KCNIP1: variants seen among roughly 807,000 people sequenced by gnomAD.
KCNIP1 encodes the protein A-type potassium channel modulatory protein KCNIP1.
KCNIP1 carries 18 observed loss-of-function variants against 33.0 expected under a neutral mutation model. The observed-to-expected ratio is 0.55, with a 90% confidence interval of 0.38 to 0.81. The LOEUF (loss-of-function observed/expected upper bound fraction) is 0.81, where lower values mean the gene tolerates loss of function less well. KCNIP1 is among the 30% of genes least tolerant of loss of function. KCNIP1 has a pLI of 0.00. For synonymous variants in KCNIP1, 93 were observed against 98.3 expected, an observed-to-expected ratio of 0.95 and a Z score of 0.32; for missense variants, 238 against 271.6, an observed-to-expected ratio of 0.88 and a Z score of 0.87.
intron 1 of KCNIP1, among the ~76,000 whole-genome samples, chr5:170,611,956 A>C (rs1362208033): frequency 6.6e-6 from 1 of 152,232 alleles, no homozygotes; most frequent in Non-Finnish European, 1.5e-5. Context: ...CTAGGTGCTG[A>C]ATATGCAGCA....
At chr5:170,706,976 C>T (rs1281881399) in intron 1 of KCNIP1, among the ~76,000 whole-genome samples, 6 of 152,076 alleles carry the variant, frequency 3.9e-5, no homozygotes, top group Non-Finnish European at 8.8e-5. Context: ...TGTACTGGAA[C>T]TTCAGGGTGG....
chr5:170,585,236 A>C lies in KCNIP1; in HGVS notation c.61+80603A>C, dbSNP rs115654270. Among the ~76,000 whole-genome samples the C allele has an allele frequency of 6.2e-3, 945 of 152,324 alleles. 13 individuals are homozygous for C. The highest frequency in any genetic ancestry group is 0.022 in the African/African-American group (907 of 41,572). ...AATTAAGCTATAAAATGTCACAGGT[A>C]GCAGTGTCCTTAGAGAACACCTAAG... is the stretch of plus-strand genomic sequence containing the variant. On this transcript the variant is annotated intron_variant, in intron 1 of 7. Coordinates refer to ENST00000328939, the MANE Select transcript of KCNIP1 (RefSeq NM_014592.4).
At chr5:170,414,561 G>A (rs145677635) in intron 1 of KCNIP1, among the ~76,000 whole-genome samples, 19 of 152,288 alleles carry the variant, frequency 1.2e-4, no homozygotes, top group African/African-American at 4.1e-4. Flanking sequence ...ACGTGGCTGC[G>A]CTGGAGTCTC....
chr5:170,480,997 A>T (rs1756965785), intron 1 of KCNIP1, among the ~76,000 whole-genome samples: 1 of 152,222 alleles, frequency 6.6e-6, no homozygotes, highest in African/African-American at 2.4e-5. Context: ...TAAATCTGCC[A>T]TTAAAAATAA....
chr5:170,677,833 A>G (rs2113786861), intron 1 of KCNIP1, among the ~76,000 whole-genome samples: 1 of 152,326 alleles, frequency 6.6e-6, no homozygotes, highest in Admixed American at 6.5e-5. Context: ...AAGGGGAAAA[A>G]AAAATGCCTG....
intron 1 of KCNIP1, chr5:170,376,184 A>G (rs1192950364): frequency 1.7e-5 from 2 of 114,974 alleles, no homozygotes; most frequent in African/African-American, 6.8e-5. Context: ...TTTTTGAGAC[A>G]GAGTCTTGCT....
intron 1 of KCNIP1, chr5:170,483,193 T>C (rs1757013858): frequency 2.5e-6 from 1 of 401,076 alleles, no homozygotes; most frequent in Admixed American, 3.0e-5. Context: ...CTGAAAATCA[T>C]AGGTAACTAT....
upstream of KCNIP1, among the ~76,000 whole-genome samples, chr5:170,501,459 A>G (rs1174379036): frequency 6.6e-6 from 1 of 152,226 alleles, no homozygotes; most frequent in Non-Finnish European, 1.5e-5. Flanking sequence ...TTCATGTTCA[A>G]TGGTTTGGAT....
chr5:170,552,544 C>T lies in KCNIP1; in HGVS notation c.61+47911C>T, dbSNP rs981253631. 5.9e-5 allele frequency among the ~76,000 whole-genome samples: 9 copies of T among 152,182 alleles called. No individual in the cohort carries two copies. In the South Asian group the frequency reaches 1.2e-3, roughly 21 times the overall value. ...TGTCTAAGGAGGTGGCGTTTGTGTTCGGGCTTCCATAACAGGTAGGGGGAA... is the reference window on the plus strand; with the variant it reads ...TGTCTAAGGAGGTGGCGTTTGTGTTTGGGCTTCCATAACAGGTAGGGGGAA... On this transcript the variant is annotated intron_variant, in intron 1 of 7. Coordinates refer to ENST00000328939, the MANE Select transcript of KCNIP1 (RefSeq NM_014592.4).
rs56358014 is a variant in KCNIP1 at position 170,587,421 on chromosome 5, CAAAAAAAA to C, written c.61+82806_61+82813del. Among the ~76,000 whole-genome samples, 571 of 70,352 alleles carry C rather than the reference CAAAAAAAA, an allele frequency of 8.1e-3. 7 individuals are homozygous for C. Among genetic ancestry groups the C allele is most frequent in the South Asian group, 0.036 (60 of 1,686 alleles). 46.2% of individuals were successfully genotyped at this position (70,352 alleles called of 152,430 possible). On this transcript the variant is annotated intron_variant, in intron 1 of 7. Coordinates refer to ENST00000328939, the MANE Select transcript of KCNIP1 (RefSeq NM_014592.4). ...TGGGCAACAGAGCGAGACTCTGTCT[CAAAAAAAA>C]AAAAAAAAAAAAAAAAAGCTAATAT...
intron 1 of KCNIP1, among the ~76,000 whole-genome samples, chr5:170,487,041 A>G (rs1757109744): frequency 6.6e-6 from 1 of 152,222 alleles, no homozygotes; most frequent in Non-Finnish European, 1.5e-5. Context: ...ACACACACAG[A>G]CATATCTATA....
At chr5:170,662,193 G>A (rs1761525907) in intron 1 of KCNIP1, among the ~76,000 whole-genome samples, 1 of 152,184 alleles carries the variant, frequency 6.6e-6, no homozygotes, top group Non-Finnish European at 1.5e-5. Context: ...ATTCTGCTGG[G>A]CATGGATATT....
chr5:170,533,155 T>A (rs776050169), intron 1 of KCNIP1, among the ~76,000 whole-genome samples: 10 of 152,126 alleles, frequency 6.6e-5, no homozygotes, highest in Non-Finnish European at 1.2e-4. Context: ...TGGAACACCC[T>A]GCCTGCAGTC....
At chr5:170,364,180 A>T (rs2113293594) in intron 1 of KCNIP1, among the ~76,000 whole-genome samples, 1 of 151,910 alleles carries the variant, frequency 6.6e-6, no homozygotes, top group South Asian at 2.1e-4. Flanking sequence ...ATTTTTTAAA[A>T]TTTTTTATAG....
At chr5:170,390,880 C>T (rs892006275) in intron 1 of KCNIP1, among the ~76,000 whole-genome samples, 3 of 152,108 alleles carry the variant, frequency 2.0e-5, no homozygotes, top group Non-Finnish European at 4.4e-5. Flanking sequence ...CCTGGCCTTC[C>T]CTGCTGAGCG....
chr5:170,409,737 AC>A (rs1486096662), intron 1 of KCNIP1, among the ~76,000 whole-genome samples: 1 of 152,112 alleles, frequency 6.6e-6, no homozygotes, highest in Non-Finnish European at 1.5e-5. Flanking sequence ...CAAAGTATTC[AC>A]ATGGGCGAGG....
At chr5:170,492,165 G>A (rs1383313195) in intron 1 of KCNIP1, among the ~76,000 whole-genome samples, 1 of 152,160 alleles carries the variant, frequency 6.6e-6, no homozygotes, top group Non-Finnish European at 1.5e-5. Flanking sequence ...GCCAGTCTCA[G>A]ACCCCCTGTA....
At chr5:170,654,854 G>A (rs1272944963) in intron 1 of KCNIP1, among the ~76,000 whole-genome samples, 1 of 152,200 alleles carries the variant, frequency 6.6e-6, no homozygotes, top group East Asian at 1.9e-4. Flanking sequence ...AATACAGTAA[G>A]ATAATGTTAA....
chr5:170,714,611 T>C (rs1262141137), intron 1 of KCNIP1, among the ~76,000 whole-genome samples: 1 of 152,200 alleles, frequency 6.6e-6, no homozygotes, highest in Admixed American at 6.5e-5. Context: ...CAGTGACTTC[T>C]TGAGGTTCCT....
Sources: gnomAD v4.1 joint callset for allele counts (sites outside exome capture counted in the v4.1 genomes callset) on GRCh38, gnomAD v4.1.1 for gene constraint, MANE v1.5 for transcripts, NCBI Gene and HGNC (gene_info 2026-07-23, HGNC 2026-07-21) for gene names.